The following MEF2C variants were observed in gnomAD, a reference collection of about 807,000 sequenced individuals.
MEF2C encodes myocyte enhancer factor 2C.
A neutral mutation model predicts 50.5 loss-of-function variants in MEF2C; 6 were observed. The observed-to-expected ratio is 0.12, with a 90% CI of 0.07 to 0.23. MEF2C has a LOEUF of 0.23. Ranked by LOEUF, MEF2C falls within the 10% of genes least tolerant of loss-of-function variation. MEF2C has a pLI of 1.00. For missense variants in MEF2C, 276 were observed against 605.0 expected, an observed-to-expected ratio of 0.46 and a Z score of 5.70; for synonymous variants, 183 against 228.0, an observed-to-expected ratio of 0.80 and a Z score of 1.78.
chr5:88,848,937 G>T (rs993090427), intron 1 of MEF2C, among the ~76,000 whole-genome samples: 5 of 151,958 alleles, frequency 3.3e-5, no homozygotes, highest in African/African-American at 1.2e-4. Context: ...TGGATCACAA[G>T]GTCAGGAGTT....
At chr5:88,731,250 G>GC (rs773717940) in intron 7 of MEF2C, among the ~76,000 whole-genome samples, 14 of 152,146 alleles carry the variant, frequency 9.2e-5, no homozygotes, top group Non-Finnish European at 1.9e-4. Context: ...TATAATCATT[G>GC]CAATACATCT....
At chr5:88,876,077 T>G (rs1472817062) in intron 1 of MEF2C, among the ~76,000 whole-genome samples, 1 of 150,888 alleles carries the variant, frequency 6.6e-6, no homozygotes, top group Non-Finnish European at 1.5e-5. Flanking sequence ...TTTTTTTTTT[T>G]TTTTTTCCTT....
At chr5:88,748,653 TTTTC>T (rs1771137200) in intron 6 of MEF2C, 1 of 527,392 alleles carries the variant, frequency 1.9e-6, no homozygotes, top group African/African-American at 2.1e-5. Flanking sequence ...TAACCCCTCC[TTTTC>T]TTTATGTACT....
At chr5:88,734,558 A>T in intron 6 of MEF2C, 1 of 570,848 alleles carries the variant, frequency 1.8e-6, no homozygotes, top group Non-Finnish European at 2.1e-6. Flanking sequence ...GGCCTTGAGA[A>T]AAGTTTGTTT....
At chr5:88,869,280 T>TATATATATATATACAC (rs1828585040) in intron 1 of MEF2C, among the ~76,000 whole-genome samples, 3 of 73,946 alleles carry the variant, frequency 4.1e-5, no homozygotes, top group Non-Finnish European at 7.2e-5. Flanking sequence ...TATATATACA[T>TATATATATATATACAC]ATATATATAT....
intron 3 of MEF2C, among the ~76,000 whole-genome samples, chr5:88,800,048 T>C (rs1243803885): frequency 6.6e-6 from 1 of 152,204 alleles, no homozygotes; most frequent in African/African-American, 2.4e-5. Flanking sequence ...CAAAGGGCCT[T>C]GTGTTTTATT....
intron 1 of MEF2C, among the ~76,000 whole-genome samples, chr5:88,877,012 A>G (rs1273681412): frequency 1.3e-5 from 2 of 152,022 alleles, no homozygotes; most frequent in African/African-American, 4.8e-5. Context: ...TACTTAATTT[A>G]AATCACTGCT....
intron 6 of MEF2C, chr5:88,734,033 A>G: frequency 3.0e-6 from 3 of 985,308 alleles, no homozygotes; most frequent in Non-Finnish European, 3.6e-6. Flanking sequence ...CTAGAAGAAA[A>G]AAACAAACAA....
At chr5:88,759,630 T>C (rs1776970129) in intron 4 of MEF2C, among the ~76,000 whole-genome samples, 1 of 152,054 alleles carries the variant, frequency 6.6e-6, no homozygotes, top group Non-Finnish European at 1.5e-5. Flanking sequence ...TAATACTAAA[T>C]ACTCCATTTC....
At chr5:88,847,089 T>C (rs550714932) in intron 1 of MEF2C, among the ~76,000 whole-genome samples, 6 of 152,350 alleles carry the variant, frequency 3.9e-5, no homozygotes, top group African/African-American at 1.4e-4. Context: ...TAGTATTCAA[T>C]AGTTAAGCTC....
chr5:88,843,941 C>T (rs1035051420), intron 1 of MEF2C, among the ~76,000 whole-genome samples: 1 of 151,816 alleles, frequency 6.6e-6, no homozygotes, highest in African/African-American at 2.4e-5. Flanking sequence ...TCCTGAGTAA[C>T]TGGGACTACA....
At chr5:88,764,547 C>T (rs993358889) in intron 3 of MEF2C, among the ~76,000 whole-genome samples, 10 of 148,218 alleles carry the variant, frequency 6.7e-5, no homozygotes, top group Admixed American at 2.1e-4. Flanking sequence ...TGGTGGCTCT[C>T]GCCTGTAATC....
intron 2 of MEF2C, among the ~76,000 whole-genome samples, chr5:88,807,436 G>A (rs1473855507): frequency 6.6e-6 from 1 of 152,118 alleles, no homozygotes; most frequent in African/African-American, 2.4e-5. Flanking sequence ...GTTTCCCTAT[G>A]TTACCCAGGC....
chr5:88,852,898 G>A (rs1360148494), intron 1 of MEF2C, among the ~76,000 whole-genome samples: 1 of 151,924 alleles, frequency 6.6e-6, no homozygotes, highest in Non-Finnish European at 1.5e-5. Context: ...CTGGGGGACA[G>A]GGCAAGACTC....
At chr5:88,805,186 G>C (rs1799876713) in intron 2 of MEF2C, among the ~76,000 whole-genome samples, 1 of 152,174 alleles carries the variant, frequency 6.6e-6, no homozygotes. Context: ...GAGTGGACAT[G>C]ACATTAGGAA....
rs77508869 is a variant in MEF2C at position 88,819,301 on chromosome 5, T to G, written c.54+4434A>C. The stretch of plus-strand genomic sequence containing the variant: ...AAAGCATAATTTGTTTCGTGTTGAA[T>G]ATGAGAGATCCGGGCTCAGATCTTG... On this transcript the variant is annotated intron_variant, in intron 2 of 10. Transcript: ENST00000504921. 465 of 972,870 alleles carry G rather than the reference T, an allele frequency of 4.8e-4. 3 individuals carry two copies. In the African/African-American group the frequency reaches 7.5e-3, roughly 16 times the overall value. The allele number at this position is 972,870 out of a possible 1,614,324, so 60.3% of individuals were successfully genotyped here.
At chr5:88,770,960 G>A (rs1200743106) in intron 3 of MEF2C, among the ~76,000 whole-genome samples, 1 of 152,192 alleles carries the variant, frequency 6.6e-6, no homozygotes, top group Admixed American at 6.5e-5. Flanking sequence ...AGGTTTAATG[G>A]CTTCACAGTT....
In MEF2C at chr5:88,784,907, T is replaced by TA. The variant is rs1790075448; in HGVS notation, c.258+19690dup. The stretch of plus-strand genomic sequence containing the variant: ...TACTAATACACCACACAGACACAAT[T>TA]ACACCCTGTATGCTGCATAAAGGAA... On this transcript the variant is annotated intron_variant, in intron 3 of 10. Transcript: ENST00000504921. Among the ~76,000 whole-genome samples the TA allele has an allele frequency of 2.0e-5, 3 of 152,184 alleles. No individual in the cohort carries two copies. In the East Asian group the frequency reaches 5.8e-4, roughly 29 times the overall value.
At chr5:88,837,557 A>G (rs1321851256) in intron 1 of MEF2C, among the ~76,000 whole-genome samples, 1 of 152,188 alleles carries the variant, frequency 6.6e-6, no homozygotes, top group Non-Finnish European at 1.5e-5. Flanking sequence ...ATCCTCAGAC[A>G]TAAAAAGGGA....
Sources: allele counts gnomAD v4.1 joint callset (sites outside exome capture counted in the v4.1 genomes callset), GRCh38; gene constraint gnomAD v4.1.1; transcripts MANE v1.5; gene names NCBI Gene and HGNC (gene_info 2026-07-23, HGNC 2026-07-21).